The following STK32B variants were observed in gnomAD, a reference collection of about 807,000 sequenced individuals.
STK32B encodes serine/threonine kinase 32B, also known as serine/threonine-protein kinase 32B.
A neutral mutation model predicts 52.6 loss-of-function variants in STK32B; 43 were observed. The observed-to-expected ratio is 0.82, with a 90% CI of 0.64 to 1.05. STK32B has a LOEUF of 1.05. Ranked by LOEUF, STK32B falls within the 50% of genes least tolerant of loss-of-function variation. STK32B has a pLI of 0.00. For missense variants in STK32B, 621 were observed against 534.6 expected (o/e 1.16, Z -1.59); for synonymous variants, 238 against 204.3 (o/e 1.17, Z -1.41).
intron 11 of STK32B, among the ~76,000 whole-genome samples, chr4:5,491,209 A>G (rs1032957997): frequency 1.3e-4 from 20 of 152,110 alleles, no homozygotes; most frequent in South Asian, 8.3e-4. Flanking sequence ...AAGTGTTCCT[A>G]TTTCTCCACA....
chr4:5,243,974 A>C (rs373723518), intron 3 of STK32B, among the ~76,000 whole-genome samples: 1 of 152,050 alleles, frequency 6.6e-6, no homozygotes, highest in Admixed American at 6.6e-5. Flanking sequence ...TGCTGGATTC[A>C]GTTTGCCAGT....
At chr4:5,480,146 T>A (rs766271250) in intron 11 of STK32B, among the ~76,000 whole-genome samples, 1 of 152,210 alleles carries the variant, frequency 6.6e-6, no homozygotes, top group Non-Finnish European at 1.5e-5. Context: ...ATCAGACCGA[T>A]ATAGTGCCAT....
intron 4 of STK32B, among the ~76,000 whole-genome samples, chr4:5,390,601 T>G (rs1736535819): frequency 6.6e-6 from 1 of 152,182 alleles, no homozygotes; most frequent in Non-Finnish European, 1.5e-5. Flanking sequence ...CTCCTCTGTG[T>G]GTACCTGGTC....
rs185218796 is a variant in STK32B at position 5,250,470 on chromosome 4, G to C, written c.261-80750G>C. The stretch of plus-strand genomic sequence containing the variant: ...TGGGATTACATGCATGTATCACTAC[G>C]CTTGGCTAATTTTTGTAGTTTTAGT... On this transcript the variant is annotated intron_variant, in intron 3 of 11. Transcript: ENST00000282908. 3.0e-4 allele frequency among the ~76,000 whole-genome samples: 45 copies of C among 152,020 alleles called. No individual in the cohort carries two copies. In the East Asian group the frequency reaches 5.8e-3, roughly 20 times the overall value.
chr4:5,428,709 T>C (rs999774700), intron 6 of STK32B, among the ~76,000 whole-genome samples: 8 of 152,216 alleles, frequency 5.3e-5, no homozygotes, highest in Admixed American at 2.6e-4. Flanking sequence ...TGTTGATTTT[T>C]TGTCTACTTC....
chr4:5,334,788 T>G (rs1732522217), intron 4 of STK32B, among the ~76,000 whole-genome samples: 2 of 152,024 alleles, frequency 1.3e-5, no homozygotes, highest in Non-Finnish European at 2.9e-5. Context: ...TTTATTGATT[T>G]GCGTATATTG....
Position 5,180,157 on chromosome 4 carries a change from A to G in STK32B, c.260+11707A>G, listed in dbSNP as rs114787187. Among the ~76,000 whole-genome samples the G allele has an allele frequency of 8.5e-3, 1,297 of 152,320 alleles. 10 individuals carry two copies. Among genetic ancestry groups the G allele is most frequent in the Non-Finnish European group, 0.011 (781 of 68,022 alleles). On this transcript the variant is annotated intron_variant, in intron 3 of 11. Transcript: ENST00000282908. ...GCCATGTCCTTGTCCAGGAGACTCC[A>G]TATGAGCCCTGCTCATTTCTCAGAG...
intron 4 of STK32B, among the ~76,000 whole-genome samples, chr4:5,388,182 G>A (rs1736379133): frequency 1.3e-5 from 2 of 152,202 alleles, no homozygotes; most frequent in Non-Finnish European, 2.9e-5. Context: ...AGTATGGGAA[G>A]GGGCTTTGTG....
At chr4:5,236,831 G>A (rs1370939277) in intron 3 of STK32B, among the ~76,000 whole-genome samples, 2 of 152,300 alleles carry the variant, frequency 1.3e-5, no homozygotes, top group East Asian at 3.9e-4. Context: ...AATTACTGCG[G>A]CTAGGGACGT....
At chr4:5,283,975 G>T (rs1728381492) in intron 3 of STK32B, among the ~76,000 whole-genome samples, 1 of 152,128 alleles carries the variant, frequency 6.6e-6, no homozygotes, top group South Asian at 2.1e-4. Flanking sequence ...GTACCATAAA[G>T]GTGGTGTGTA....
In STK32B at chr4:5,073,773, T is replaced by C. The variant is rs77899314; in HGVS notation, c.52+21858T>C. ...AGAATTCTCAGTTGACTTTTTTATT[T>C]ATTTATTTATTTTAGCAATATCATT... is the stretch of plus-strand genomic sequence containing the variant. On this transcript the variant is annotated intron_variant, in intron 1 of 11. Transcript: ENST00000282908. 1.2e-3 allele frequency among the ~76,000 whole-genome samples: 183 copies of C among 152,220 alleles called. 1 individual carries two copies. The East Asian group carries it at 0.033, about 28-fold the overall frequency.
chr4:5,335,791 G>T (rs1732632599), intron 4 of STK32B, among the ~76,000 whole-genome samples: 1 of 152,044 alleles, frequency 6.6e-6, no homozygotes, highest in African/African-American at 2.4e-5. Context: ...GAGCAGTTTT[G>T]AGTGAGTTTC....
chr4:5,238,350 C>T (rs1160892533), intron 3 of STK32B, among the ~76,000 whole-genome samples: 1 of 152,024 alleles, frequency 6.6e-6, no homozygotes, highest in African/African-American at 2.4e-5. Flanking sequence ...CTTCATAAGG[C>T]CTCTCTGTTT....
At chr4:5,346,847 G>T (rs1223288697) in intron 4 of STK32B, among the ~76,000 whole-genome samples, 4 of 152,198 alleles carry the variant, frequency 2.6e-5, no homozygotes, top group Admixed American at 1.3e-4. Context: ...TTGACTCACG[G>T]TTCTTCATGG....
At chr4:5,203,989 A>G (rs886073914) in intron 3 of STK32B, 1 of 152,218 alleles carries the variant, frequency 6.6e-6, no homozygotes, top group African/African-American at 2.4e-5. Flanking sequence ...CATAGCACAA[A>G]GTCATAATGC....
In STK32B at chr4:5,175,584, C is replaced by G. The variant is rs149722181; in HGVS notation, c.260+7134C>G. ...GAGGTCCACTCCAGACCCCGTTTCC[C>G]TGGGTATCAGCAGCAGTGGCTGCAG... On this transcript the variant is annotated intron_variant, in intron 3 of 11. Coordinates refer to ENST00000282908, the MANE Select transcript of STK32B (RefSeq NM_018401.3). Among the ~76,000 whole-genome samples the G allele has an allele frequency of 4.7e-4, 71 of 152,358 alleles. No homozygotes were observed. In the East Asian group the frequency reaches 0.011, roughly 24 times the overall value.
chr4:5,479,122 T>G (rs1307671630), intron 11 of STK32B, among the ~76,000 whole-genome samples: 20 of 114,020 alleles, frequency 1.8e-4, no homozygotes, highest in Non-Finnish European at 3.1e-4. Flanking sequence ...TTTTTGTTTT[T>G]GTTTTTTTTT....
intron 3 of STK32B, among the ~76,000 whole-genome samples, chr4:5,319,128 A>G (rs183023591): frequency 3.7e-4 from 56 of 152,234 alleles, no homozygotes; most frequent in African/African-American, 1.2e-3. Flanking sequence ...TTTCTCAAGC[A>G]CTCATTATGT....
At chr4:5,383,149 G>A (rs566465119) in intron 4 of STK32B, among the ~76,000 whole-genome samples, 9 of 152,326 alleles carry the variant, frequency 5.9e-5, no homozygotes, top group South Asian at 2.1e-4. Context: ...GCAGTCAGCC[G>A]TGGGTAGGTG....
Sources: allele counts gnomAD v4.1 joint callset (sites outside exome capture counted in the v4.1 genomes callset), GRCh38; gene constraint gnomAD v4.1.1; transcripts MANE v1.5; gene names NCBI Gene and HGNC (gene_info 2026-07-23, HGNC 2026-07-21).